Variants in DDR2 observed in about 807,000 individuals in gnomAD.
DDR2 encodes the protein discoidin domain-containing receptor 2.
In DDR2, 27 loss-of-function variants were observed where a neutral mutation model predicts 94.9. The ratio of observed to expected loss-of-function variants is 0.28; its 90% CI spans 0.21 to 0.39. DDR2 has a LOEUF of 0.39. DDR2 is among the 10% of genes least tolerant of loss of function. The pLI, the probability that DDR2 is intolerant of heterozygous loss-of-function variation, is 1.00. For synonymous variants in DDR2, 382 were observed against 377.2 expected (o/e 1.01, Z -0.15); for missense variants, 783 against 1,076.0 (o/e 0.73, Z 3.81).
rs1186364406 is a variant in DDR2, at chr1:162,786,751, T to A, written c.*6505T>A. 6.6e-6 allele frequency: 1 copy of A among 152,220 alleles called. No homozygotes were observed. Among genetic ancestry groups the A allele is most frequent in the East Asian group, 1.9e-4 (1 of 5,196 alleles). The allele number at this position is 152,220 out of a possible 1,614,324, so 9.4% of individuals were successfully genotyped here. A position where few individuals can be genotyped will look rare whatever the true frequency, so the allele number is the denominator to read the frequency against. ...ATTATTTAAATAGACCTCTAACATATGAGTTGACTGTTTATTGGGAAGAAA... is the reference window on the plus strand; with the variant it reads ...ATTATTTAAATAGACCTCTAACATAAGAGTTGACTGTTTATTGGGAAGAAA... On this transcript the variant is annotated 3_prime_UTR_variant, in exon 18 of 18. Transcript: ENST00000367921.
chr1:162,772,017 T>A lies in DDR2; in HGVS notation c.1505-7T>A, dbSNP rs1424836691. The A allele has an allele frequency of 6.3e-7, 1 of 1,597,620 alleles. No homozygotes were observed. ...GGAATGAGGGCTCGTTGCCCTTGTC[T>A]TCCCAGGCTGCAGCGGTGTTGTGAA... On this transcript the variant is annotated splice_polypyrimidine_tract_variant and splice_region_variant and intron_variant, in intron 12 of 17. Coordinates refer to ENST00000367921, the MANE Select transcript of DDR2 (RefSeq NM_006182.4).
chr1:162,649,565 A>G (rs531245234), intron 1 of DDR2, among the ~76,000 whole-genome samples: 81 of 152,330 alleles, frequency 5.3e-4, no homozygotes, highest in Non-Finnish European at 7.5e-4. Flanking sequence ...CATATTCAAA[A>G]AGGAAAATAA....
At position 162,639,725 on chromosome 1, in the gene DDR2, A is replaced by G. The variant is rs537230006; in HGVS notation, c.-192+7094A>G. ...AAACCACAGGTTGAGAAAAATACAG[A>G]TGGTGCTGACTTAAAACGGTTCAAC... On this transcript the variant is annotated intron_variant, in intron 1 of 17. Coordinates refer to ENST00000367921, the MANE Select transcript of DDR2 (RefSeq NM_006182.4). Among the ~76,000 whole-genome samples, 90 of 152,336 alleles carry G rather than the reference A, an allele frequency of 5.9e-4. 1 individual carries two copies. Among genetic ancestry groups the G allele is most frequent in the African/African-American group, 2.1e-3 (88 of 41,580 alleles).
chr1:162,645,000 C>G (rs1181618942), intron 1 of DDR2, among the ~76,000 whole-genome samples: 1 of 152,168 alleles, frequency 6.6e-6, no homozygotes, highest in Admixed American at 6.5e-5. Flanking sequence ...TTCCCCAACC[C>G]CAAATAATGG....
intron 2 of DDR2, among the ~76,000 whole-genome samples, chr1:162,706,698 C>G (rs1286176590): frequency 6.6e-6 from 1 of 152,054 alleles, no homozygotes; most frequent in African/African-American, 2.4e-5. Flanking sequence ...GAGGAGCGGG[C>G]CTGGTAGGAT....
At chr1:162,680,062 T>A (rs1416250417) in intron 2 of DDR2, among the ~76,000 whole-genome samples, 2 of 152,176 alleles carry the variant, frequency 1.3e-5, no homozygotes, top group Non-Finnish European at 2.9e-5. Context: ...CCCCTCCTAG[T>A]TTGCAAATAT....
At chr1:162,696,418 G>T (rs942935032) in intron 2 of DDR2, among the ~76,000 whole-genome samples, 1 of 151,618 alleles carries the variant, frequency 6.6e-6, no homozygotes, top group African/African-American at 2.4e-5. Context: ...CCCCTCTCAG[G>T]CCTCTGGGCT....
At chr1:162,740,338 A>C (rs116313764) in intron 3 of DDR2, among the ~76,000 whole-genome samples, 92 of 152,340 alleles carry the variant, frequency 6.0e-4, no homozygotes, top group African/African-American at 2.1e-3. Context: ...AGTTCATTAC[A>C]TTGGAAAAGG....
chr1:162,729,529 C>CT (rs1297109368), intron 3 of DDR2, among the ~76,000 whole-genome samples: 1 of 146,166 alleles, frequency 6.8e-6, no homozygotes. Context: ...ATTTATGCAA[C>CT]TTTTTTTTTC....
intron 2 of DDR2, among the ~76,000 whole-genome samples, chr1:162,680,843 C>A (rs1239248118): frequency 6.6e-6 from 1 of 152,146 alleles, no homozygotes; most frequent in Non-Finnish European, 1.5e-5. Flanking sequence ...TATAAAAACA[C>A]AATTTTTTAT....
At chr1:162,771,765 C>T (rs889911640) in intron 12 of DDR2, among the ~76,000 whole-genome samples, 1 of 152,196 alleles carries the variant, frequency 6.6e-6, no homozygotes, top group Non-Finnish European at 1.5e-5. Context: ...CTTCACCACA[C>T]AATTCCACAA....
At chr1:162,712,392 C>G (rs370410250) in intron 2 of DDR2, among the ~76,000 whole-genome samples, 2 of 151,714 alleles carry the variant, frequency 1.3e-5, no homozygotes, top group Non-Finnish European at 2.9e-5. Context: ...TAGAAGCTCA[C>G]CCAAGTACAG....
intron 3 of DDR2, among the ~76,000 whole-genome samples, chr1:162,748,303 A>G (rs1360428125): frequency 6.6e-6 from 1 of 152,224 alleles, no homozygotes; most frequent in South Asian, 2.1e-4. Context: ...GGGATGGAGG[A>G]AGATCCACCA....
rs190276751 is a variant in DDR2 at position 162,783,965 on chromosome 1, C to A, written c.*3719C>A. ...ATGGTAGTTCATAAATCTTCATGTT[C>A]TATTATCTTTCATCTGCCAATAAAG... On this transcript the variant is annotated 3_prime_UTR_variant, in exon 18 of 18. Coordinates refer to ENST00000367921, the MANE Select transcript of DDR2 (RefSeq NM_006182.4). 9 of 152,310 alleles carry A rather than the reference C, an allele frequency of 5.9e-5. No individual in the cohort carries two copies. Among genetic ancestry groups the A allele is most frequent in the Middle Eastern group, 3.4e-3 (1 of 296 alleles). 9.4% of individuals were successfully genotyped at this position (152,310 alleles called of 1,614,324 possible). A position where few individuals can be genotyped will look rare whatever the true frequency, so the allele number is the denominator to read the frequency against.
rs1571333024 is a variant in DDR2 at position 162,782,535 on chromosome 1, C to T, written c.*2289C>T. The T allele has an allele frequency of 6.7e-6, 1 of 150,208 alleles. No homozygotes were observed. Among genetic ancestry groups the T allele is most frequent in the Non-Finnish European group, 1.5e-5 (1 of 67,688 alleles). 9.3% of individuals were successfully genotyped at this position (150,208 alleles called of 1,614,324 possible). ...CCACTTTCAAGATATGTATTAGCTT[C>T]ATTAGAATTAAAGGGACTTGAACTC... On this transcript the variant is annotated 3_prime_UTR_variant, in exon 18 of 18. Transcript: ENST00000367921.
At chr1:162,775,092 G>C (rs1440640466) in intron 14 of DDR2, among the ~76,000 whole-genome samples, 1 of 152,086 alleles carries the variant, frequency 6.6e-6, no homozygotes, top group East Asian at 1.9e-4. Context: ...CCTTTAAAGA[G>C]CTCTGTTTTC....
At chr1:162,647,610 G>A (rs753191674) in intron 1 of DDR2, among the ~76,000 whole-genome samples, 1 of 152,190 alleles carries the variant, frequency 6.6e-6, no homozygotes, top group Non-Finnish European at 1.5e-5. Flanking sequence ...GATAATTCGT[G>A]AGTTTTCTGG....
rs74627486 is a variant in DDR2 at position 162,776,246 on chromosome 1, A to G, written c.2159A>G (p.Lys720Arg). 6.2e-7 allele frequency: 1 copy of G among 1,613,812 alleles called. No individual in the cohort carries two copies. Among genetic ancestry groups the G allele is most frequent in the Non-Finnish European group, 8.5e-7 (1 of 1,179,934 alleles). Residue 720 changes from lysine to arginine, a missense_variant, in exon 16 of 18, where the codon AAG becomes AGG. By Grantham distance (26) the Lys-to-Arg change is conservative. Coordinates refer to ENST00000367921, the MANE Select transcript of DDR2 (RefSeq NM_006182.4). ...DLATRNCLVG[K>R]NYTIKIADFG... ...GCCACACGAAACTGTTTAGTGGGTA[A>G]GAACTACACAATCAAGATAGCTGAC...
chr1:162,748,357 TC>T, intron 3 of DDR2, among the ~76,000 whole-genome samples: 1 of 152,154 alleles, frequency 6.6e-6, no homozygotes, highest in Non-Finnish European at 1.5e-5. Context: ...AATCCTAGTC[TC>T]TGATAAAACA....
Sources: gnomAD v4.1 joint callset for allele counts (sites outside exome capture counted in the v4.1 genomes callset) on GRCh38, gnomAD v4.1.1 for gene constraint, MANE v1.5 for transcripts, NCBI Gene and HGNC (gene_info 2026-07-23, HGNC 2026-07-21) for gene names.